Variants in PREX1 observed in about 807,000 individuals in gnomAD.
PREX1 encodes phosphatidylinositol 3,4,5-trisphosphate-dependent Rac exchanger 1 protein.
Under a neutral mutation model 198.3 loss-of-function variants are expected in PREX1, and 41 were observed. That is an observed-to-expected ratio of 0.21 (90% CI 0.16 to 0.27). PREX1 has a LOEUF of 0.27. Ranked by LOEUF, PREX1 falls within the 10% of genes least tolerant of loss-of-function variation. The probability of loss-of-function intolerance (pLI) is 1.00; values close to 1 mark genes in which losing one functional copy is unlikely to be tolerated. For missense variants in PREX1, 1,620 were observed against 2,200.7 expected (o/e 0.74, Z 5.28); for synonymous variants, 843 against 887.2 (o/e 0.95, Z 0.89).
At chr20:48,689,735 T>TAAACC (rs2089807078) in intron 9 of PREX1, among the ~76,000 whole-genome samples, 1 of 152,202 alleles carries the variant, frequency 6.6e-6, no homozygotes, top group Non-Finnish European at 1.5e-5. Context: ...GTTCAGTGGT[T>TAAACC]TATCGGGCCT....
chr20:48,732,806 G>A (rs2090040182), intron 4 of PREX1, among the ~76,000 whole-genome samples: 1 of 152,144 alleles, frequency 6.6e-6, no homozygotes, highest in Non-Finnish European at 1.5e-5. Context: ...GAGGGGAGGA[G>A]ATGTGTGCAG....
intron 10 of PREX1, 92 bp from the exon 11 acceptor site, chr20:48,681,427 G>A (rs2089749745): frequency 1.6e-6 from 2 of 1,216,960 alleles, no homozygotes; most frequent in Non-Finnish European, 2.4e-6. Context: ...ATCCACCCCT[G>A]GGAATGACAG....
chr20:48,649,965 AAC>A lies in PREX1; in HGVS notation c.3028+29_3028+30del, dbSNP rs529155214. ...TTAAGTATCTGGAGTGCAACATCTG[AAC>A]ACAGTTTCTAATAGACACACACAGG... On this transcript the variant is annotated intron_variant, in intron 24 of 39. Transcript: ENST00000371941. 6.5e-4 allele frequency: 1,052 copies of A among 1,608,184 alleles called. 13 individuals are homozygous for A. The East Asian group carries it at 0.019, about 29-fold the overall frequency.
intron 1 of PREX1, among the ~76,000 whole-genome samples, chr20:48,765,666 C>T (rs1481252740): frequency 6.6e-6 from 1 of 152,200 alleles, no homozygotes; most frequent in African/African-American, 2.4e-5. Flanking sequence ...GCCCCAGGGG[C>T]TTCAGAGCCA....
chr20:48,761,692 G>C (rs2090181189), intron 1 of PREX1, among the ~76,000 whole-genome samples: 1 of 152,102 alleles, frequency 6.6e-6, no homozygotes, highest in Non-Finnish European at 1.5e-5. Context: ...CTGGGGCCTG[G>C]CCTACAAACT....
At chr20:48,657,399 C>T (rs2089553397) in intron 17 of PREX1, among the ~76,000 whole-genome samples, 2 of 152,178 alleles carry the variant, frequency 1.3e-5, no homozygotes. Context: ...CATGGGAGGG[C>T]AGCTGGGAAA....
rs541809522 is a variant in PREX1, at chr20:48,682,599, C to T, written c.1335-1264G>A. ...CCGACAGAAAGGAATGTTCTGAGGT[C>T]GGCAGGAAGGTCTCGGGGAGACAGA... is the stretch of plus-strand genomic sequence containing the variant. On this transcript the variant is annotated intron_variant, in intron 10 of 39. Transcript: ENST00000371941. 4.1e-4 allele frequency among the ~76,000 whole-genome samples: 62 copies of T among 152,204 alleles called. 1 individual carries two copies. Among genetic ancestry groups the T allele is most frequent in the African/African-American group, 1.5e-3 (61 of 41,522 alleles).
chr20:48,668,621 A>G (rs2089655540), intron 14 of PREX1, among the ~76,000 whole-genome samples: 1 of 152,068 alleles, frequency 6.6e-6, no homozygotes, highest in African/African-American at 2.4e-5. Flanking sequence ...AGGCAGCAGG[A>G]CTCAGCCCTG....
chr20:48,846,345 ATC>A, the PREX1 span, among the ~76,000 whole-genome samples: 1 of 152,158 alleles, frequency 6.6e-6, no homozygotes, highest in African/African-American at 2.4e-5. Flanking sequence ...AGGTGGTCTT[ATC>A]CTCTGTCCAT....
intron 1 of PREX1, among the ~76,000 whole-genome samples, chr20:48,788,020 G>A (rs955503548): frequency 5.9e-5 from 9 of 152,174 alleles, no homozygotes; most frequent in African/African-American, 9.7e-5. Context: ...CGGAGGCTTC[G>A]AGATTAACGC....
At chr20:48,773,884 CAGG>C (rs915334300) in intron 1 of PREX1, among the ~76,000 whole-genome samples, 15 of 152,136 alleles carry the variant, frequency 9.9e-5, no homozygotes, top group Non-Finnish European at 1.8e-4. Context: ...GCAGGGAGCT[CAGG>C]AGGAGTCTCC....
rs73909723 is a variant in PREX1 at position 48,787,885 on chromosome 20, T to C, written c.219+39757A>G. The stretch of plus-strand genomic sequence containing the variant: ...CACCAGATGCTGGAGGAGGGAAATA[T>C]GGCTGTGGTTTGTTTTATCTTCTCT... On this transcript the variant is annotated intron_variant, in intron 1 of 39. Coordinates refer to ENST00000371941, the MANE Select transcript of PREX1 (RefSeq NM_020820.4). Among the ~76,000 whole-genome samples the C allele has an allele frequency of 6.8e-3, 1,038 of 152,326 alleles. 8 individuals carry two copies. Among genetic ancestry groups the C allele is most frequent in the African/African-American group, 0.024 (994 of 41,570 alleles).
chr20:48,827,369 G>T lies in PREX1; in HGVS notation c.219+273C>A, dbSNP rs2090514001. On this transcript the variant is annotated intron_variant, in intron 1 of 39. Transcript: ENST00000371941. This position sits in a 1 kb window ranked among gnomAD's most constrained non-coding sequence, Gnocchi z 4.1. Reference sequence around the variant, plus strand: ...CTAATTTTAAAACTATTTGAAAGGCGGGGACGGGGAAGAAAAGACAAAAGG... The same window carrying T: ...CTAATTTTAAAACTATTTGAAAGGCTGGGACGGGGAAGAAAAGACAAAAGG... Among the ~76,000 whole-genome samples the T allele has an allele frequency of 6.6e-6, 1 of 152,218 alleles. No individual in the cohort carries two copies. Among genetic ancestry groups the T allele is most frequent in the African/African-American group, 2.4e-5 (1 of 41,462 alleles).
chr20:48,738,508 CAG>C (rs1346448622), intron 3 of PREX1, among the ~76,000 whole-genome samples: 1 of 152,236 alleles, frequency 6.6e-6, no homozygotes, highest in African/African-American at 2.4e-5. Flanking sequence ...AGCTGCATCT[CAG>C]GCCTGAGACC....
At chr20:48,874,990 G>A in the PREX1 span, among the ~76,000 whole-genome samples, 1 of 152,224 alleles carries the variant, frequency 6.6e-6, no homozygotes, top group Non-Finnish European at 1.5e-5. Flanking sequence ...TTGACAGAGA[G>A]CTCAGCCAGA....
intron 30 of PREX1, 94 bp from the exon 31 acceptor site, chr20:48,637,846 A>C: frequency 8.7e-7 from 1 of 1,143,282 alleles, no homozygotes; most frequent in Non-Finnish European, 1.3e-6. Flanking sequence ...GCACCTCCCA[A>C]GGTGCTCTGA....
At chr20:48,669,591 A>T (rs1400812008) in intron 14 of PREX1, among the ~76,000 whole-genome samples, 1 of 152,042 alleles carries the variant, frequency 6.6e-6, no homozygotes, top group African/African-American at 2.4e-5. Context: ...AGAGGGGAGG[A>T]GGGACAGAAA....
In PREX1 at chr20:48,646,126, C is replaced by A. The variant is rs1394794996; in HGVS notation, c.3306-69G>T. 2.0e-6 allele frequency: 3 copies of A among 1,505,758 alleles called. No individual in the cohort carries two copies. The East Asian group carries it at 6.8e-5, about 34-fold the overall frequency. The allele number at this position is 1,505,758 out of a possible 1,614,324, so 93.3% of individuals were successfully genotyped here. ...CTTTGTGTCCCTTCCCTGAAAATCC[C>A]ACCAGCAGCTGCAGGTGTGAGCACT... On this transcript the variant is annotated intron_variant, in intron 25 of 39. Coordinates refer to ENST00000371941, the MANE Select transcript of PREX1 (RefSeq NM_020820.4).
chr20:48,849,052 T>C, the PREX1 span, among the ~76,000 whole-genome samples: 1 of 150,970 alleles, frequency 6.6e-6, no homozygotes, highest in African/African-American at 2.4e-5. Flanking sequence ...ATATTGACTG[T>C]GCCACTGCAC....
Sources: allele counts gnomAD v4.1 joint callset (sites outside exome capture counted in the v4.1 genomes callset), GRCh38; gene constraint gnomAD v4.1.1; non-coding constraint Gnocchi (gnomAD v3.1); transcripts MANE v1.5; gene names NCBI Gene and HGNC (gene_info 2026-07-23, HGNC 2026-07-21).